Variants in COMMD1 observed in about 807,000 individuals in gnomAD.
COMMD1 encodes the protein COMM domain-containing protein 1.
COMMD1 carries 10 observed loss-of-function variants against 17.2 expected under a neutral mutation model. The observed-to-expected ratio is 0.58, with a 90% CI of 0.36 to 0.99. The LOEUF (loss-of-function observed/expected upper bound fraction) is 0.99. Among genes scored for constraint, COMMD1 ranks in the 50% least tolerant of loss-of-function variants. The probability of loss-of-function intolerance (pLI) is 0.01; values close to 1 mark genes in which losing one functional copy is unlikely to be tolerated. For missense variants in COMMD1, 270 were observed against 231.8 expected, an observed-to-expected ratio of 1.17 and a Z score of -1.07; for synonymous variants, 97 against 91.6, an observed-to-expected ratio of 1.06 and a Z score of -0.34.
intron 1 of COMMD1, chr2:61,968,934 C>A (rs1438479194): frequency 2.5e-5 from 7 of 275,552 alleles, no homozygotes; most frequent in East Asian, 1.1e-4. Context: ...CAAGGGAAAT[C>A]TTTATTTAGT....
chr2:62,110,930 C>G (rs1212512756), intron 2 of COMMD1, among the ~76,000 whole-genome samples: 1 of 152,002 alleles, frequency 6.6e-6, no homozygotes, highest in African/African-American at 2.4e-5. Flanking sequence ...TAAATACTGT[C>G]ATTCTCTGAA....
intron 2 of COMMD1, among the ~76,000 whole-genome samples, chr2:62,098,374 A>G (rs1573183518): frequency 6.6e-6 from 1 of 151,806 alleles, no homozygotes; most frequent in South Asian, 2.1e-4. Flanking sequence ...GCCTCCCAAA[A>G]TGCTGGGATT....
chr2:61,925,384 T>G (rs1448759567), intron 1 of COMMD1, among the ~76,000 whole-genome samples: 1 of 151,934 alleles, frequency 6.6e-6, no homozygotes, highest in African/African-American at 2.4e-5. Context: ...ATGAGGGGTT[T>G]ATATTGGGGA....
At chr2:61,999,345 T>C (rs1668856178) in intron 1 of COMMD1, among the ~76,000 whole-genome samples, 1 of 152,306 alleles carries the variant, frequency 6.6e-6, no homozygotes, top group African/African-American at 2.4e-5. Context: ...CAATTAACTT[T>C]TGAAAATTTA....
intron 2 of COMMD1, among the ~76,000 whole-genome samples, chr2:62,094,459 T>C (rs758847969): frequency 2.0e-5 from 3 of 152,212 alleles, no homozygotes; most frequent in Non-Finnish European, 2.9e-5. Flanking sequence ...AACCAGTTGG[T>C]CTGTGATTGT....
chr2:62,107,587 A>G (rs1201280695), intron 2 of COMMD1, among the ~76,000 whole-genome samples: 1 of 152,224 alleles, frequency 6.6e-6, no homozygotes, highest in Non-Finnish European at 1.5e-5. Flanking sequence ...CAAACTGTCC[A>G]GTAGCCTTTT....
intron 1 of COMMD1, among the ~76,000 whole-genome samples, chr2:61,924,860 C>G (rs1176713513): frequency 2.0e-5 from 3 of 152,146 alleles, no homozygotes; most frequent in African/African-American, 4.8e-5. Context: ...GTGACGAAGA[C>G]TACAGGAGAG....
At chr2:61,898,598 T>A (rs563729165) in intron 1 of COMMD1, among the ~76,000 whole-genome samples, 5 of 152,096 alleles carry the variant, frequency 3.3e-5, no homozygotes, top group Non-Finnish European at 5.9e-5. Context: ...TTGGGGCCCT[T>A]GGGTTTGCAC....
At chr2:61,990,903 T>TATATAC (rs776666143) in intron 1 of COMMD1, among the ~76,000 whole-genome samples, 5 of 116,166 alleles carry the variant, frequency 4.3e-5, no homozygotes, top group Admixed American at 2.0e-4. Context: ...TATATATATA[T>TATATAC]ACACACACAC....
chr2:61,911,552 G>T (rs1669907543), intron 1 of COMMD1, among the ~76,000 whole-genome samples: 2 of 152,144 alleles, frequency 1.3e-5, no homozygotes. Flanking sequence ...ATTCACTGTA[G>T]CCCTGAACTG....
intron 2 of COMMD1, among the ~76,000 whole-genome samples, chr2:62,068,862 C>T (rs1259065162): frequency 6.6e-6 from 1 of 151,756 alleles, no homozygotes; most frequent in Non-Finnish European, 1.5e-5. Flanking sequence ...AGAATGGTCT[C>T]GATCTCCTGA....
At chr2:62,054,997 C>T (rs1285806596) in intron 2 of COMMD1, among the ~76,000 whole-genome samples, 1 of 152,198 alleles carries the variant, frequency 6.6e-6, no homozygotes, top group Non-Finnish European at 1.5e-5. Flanking sequence ...GGTGATGCTA[C>T]TAGCACTGGG....
intron 2 of COMMD1, among the ~76,000 whole-genome samples, chr2:62,029,078 G>C (rs920450152): frequency 1.3e-5 from 2 of 152,148 alleles, no homozygotes; most frequent in African/African-American, 4.8e-5. Context: ...AATGGTTATA[G>C]ATAGAAGATT....
At chr2:61,958,514 G>A (rs1016445068) in intron 1 of COMMD1, among the ~76,000 whole-genome samples, 12 of 151,954 alleles carry the variant, frequency 7.9e-5, no homozygotes, top group Admixed American at 2.6e-4. Context: ...TGATCCACCC[G>A]CCTTGGCCTC....
At chr2:61,954,215 AAG>A (rs1410983972) in intron 1 of COMMD1, among the ~76,000 whole-genome samples, 1 of 152,186 alleles carries the variant, frequency 6.6e-6, no homozygotes, top group Non-Finnish European at 1.5e-5. Context: ...TCTCAAAAAA[AAG>A]AGAGTTTATT....
chr2:62,036,533 G>T (rs1365592637), intron 2 of COMMD1, among the ~76,000 whole-genome samples: 1 of 152,190 alleles, frequency 6.6e-6, no homozygotes, highest in Non-Finnish European at 1.5e-5. Context: ...AGGTATAACA[G>T]CTAATGTATT....
chr2:61,942,071 A>G (rs1056188314), intron 1 of COMMD1, among the ~76,000 whole-genome samples: 8 of 152,112 alleles, frequency 5.3e-5, no homozygotes, highest in Non-Finnish European at 1.0e-4. Flanking sequence ...TAGGAAAAAA[A>G]TTTACATTTT....
At chr2:62,112,076 AG>A (rs1450250114) in intron 2 of COMMD1, among the ~76,000 whole-genome samples, 1 of 152,238 alleles carries the variant, frequency 6.6e-6, no homozygotes, top group Non-Finnish European at 1.5e-5. Flanking sequence ...TTTCAAGAAA[AG>A]CAAGCACAGA....
chr2:61,930,654 T>TGTGTGTGA (rs1421330703), intron 1 of COMMD1, among the ~76,000 whole-genome samples: 1 of 143,710 alleles, frequency 7.0e-6, no homozygotes, highest in Non-Finnish European at 1.5e-5. Flanking sequence ...TGTGTGTGTG[T>TGTGTGTGA]GTGAGTGAGT....
Sources: allele counts gnomAD v4.1 joint callset (sites outside exome capture counted in the v4.1 genomes callset), GRCh38; gene constraint gnomAD v4.1.1; transcripts MANE v1.5; gene names NCBI Gene and HGNC (gene_info 2026-07-23, HGNC 2026-07-21).